The following GRIA4 variants were observed in gnomAD, a reference collection of about 807,000 sequenced individuals.
GRIA4 encodes glutamate ionotropic receptor AMPA type subunit 4, also known as glutamate receptor 4.
A neutral mutation model predicts 104.0 loss-of-function variants in GRIA4; 34 were observed. The ratio of observed to expected loss-of-function variants is 0.33; its 90% confidence interval spans 0.25 to 0.44. GRIA4 has a LOEUF of 0.44. GRIA4 is among the 20% of genes least tolerant of loss of function. GRIA4 has a pLI of 1.00. For missense variants in GRIA4, 750 were observed against 1,096.5 expected (o/e 0.68, Z 4.46); for synonymous variants, 386 against 381.9 (o/e 1.01, Z -0.13).
intron 5 of GRIA4, among the ~76,000 whole-genome samples, chr11:105,866,967 A>G (rs1945442128): frequency 1.3e-5 from 2 of 152,096 alleles, no homozygotes; most frequent in African/African-American, 4.8e-5. Flanking sequence ...ATGGAGAAAA[A>G]TGTCTCTACA....
chr11:105,708,182 A>G (rs11601808), intron 3 of GRIA4, among the ~76,000 whole-genome samples: 72,408 of 151,894 alleles, frequency 0.48, 17,869 homozygotes, highest in Admixed American at 0.58. Context: ...TGCATTTTAG[A>G]AAAAATTTTA....
At chr11:105,842,711 A>G (rs1944437923) in intron 4 of GRIA4, 1 of 152,190 alleles carries the variant, frequency 6.6e-6, no homozygotes, top group African/African-American at 2.4e-5. Flanking sequence ...GCCGCCATTG[A>G]TTTTAAAGGA....
chr11:105,839,097 C>T (rs1182370984), intron 4 of GRIA4, among the ~76,000 whole-genome samples: 1 of 152,126 alleles, frequency 6.6e-6, no homozygotes, highest in African/African-American at 2.4e-5. Flanking sequence ...TTTCCCTCTA[C>T]TGCCAAGGCT....
chr11:105,905,953 C>T (rs549551838), intron 9 of GRIA4, among the ~76,000 whole-genome samples: 139 of 152,150 alleles, frequency 9.1e-4, no homozygotes, highest in African/African-American at 3.3e-3. Context: ...TACAGCCCCA[C>T]CACAGTAATT....
At chr11:105,657,595 G>T (rs1951881230) in intron 3 of GRIA4, among the ~76,000 whole-genome samples, 1 of 151,842 alleles carries the variant, frequency 6.6e-6, no homozygotes, top group Non-Finnish European at 1.5e-5. Flanking sequence ...TGCAGGGGCT[G>T]GCTTATAATA....
intron 4 of GRIA4, among the ~76,000 whole-genome samples, chr11:105,787,970 T>C (rs1031036831): frequency 6.6e-6 from 1 of 152,122 alleles, no homozygotes; most frequent in African/African-American, 2.4e-5. Context: ...GACTGCCCAT[T>C]ACAAAGAAGA....
intron 3 of GRIA4, among the ~76,000 whole-genome samples, chr11:105,698,987 C>T (rs1168593570): frequency 6.6e-6 from 1 of 152,194 alleles, no homozygotes; most frequent in East Asian, 1.9e-4. Context: ...CCATGTCAGT[C>T]TGGTCTGTGC....
chr11:105,971,492 AATGC>A (rs1858689381), intron 14 of GRIA4, among the ~76,000 whole-genome samples: 1 of 152,168 alleles, frequency 6.6e-6, no homozygotes, highest in Admixed American at 6.6e-5. Context: ...GCTGAATCAT[AATGC>A]ATGCAAGCAA....
At chr11:105,848,546 G>A (rs760980259) in intron 4 of GRIA4, among the ~76,000 whole-genome samples, 4 of 152,066 alleles carry the variant, frequency 2.6e-5, no homozygotes, top group Admixed American at 6.6e-5. Flanking sequence ...GAAAATAACC[G>A]GATGGGTAGA....
Position 105,862,029 on chromosome 11 carries a change from T to A in GRIA4, c.493T>A (p.Ser165Thr). ...VFLYDTDRGY[S>T]ILQAIMEKAG... The stretch of plus-strand genomic sequence containing the variant: ...ACTTTTTTTTTCCCCAATAGGATAC[T>A]CGATACTCCAAGCTATTATGGAAAA... Residue 165 changes from serine to threonine, a missense_variant, in exon 5 of 17, where the codon TCG (serine) becomes ACG (threonine). By Grantham distance (58) the Ser-to-Thr change is moderately conservative. Around this residue, in one of 3 missense-constraint regions of GRIA4, gnomAD observed 410 missense variants for 502.7 expected, o/e 0.82. Coordinates refer to ENST00000282499, the MANE Select transcript of GRIA4 (RefSeq NM_000829.4). 1 of 1,604,866 alleles carries A rather than the reference T, an allele frequency of 6.2e-7. No homozygotes were observed. Among genetic ancestry groups the A allele is most frequent in the South Asian group, 1.1e-5 (1 of 90,632 alleles).
intron 14 of GRIA4, among the ~76,000 whole-genome samples, chr11:105,970,865 A>C (rs1157845834): frequency 2.0e-5 from 3 of 152,212 alleles, no homozygotes; most frequent in Non-Finnish European, 4.4e-5. Flanking sequence ...CTTAGCCTTC[A>C]TATTGTAATA....
At chr11:105,794,580 A>C (rs1942402185) in intron 4 of GRIA4, among the ~76,000 whole-genome samples, 1 of 143,140 alleles carries the variant, frequency 7.0e-6, no homozygotes, top group South Asian at 2.2e-4. Flanking sequence ...CTATCTATAT[A>C]TATCTCTCTC....
In GRIA4 at chr11:105,688,158, C is replaced by CTA. The variant is rs1565464961; in HGVS notation, c.248-64821_248-64820dup. ...TATATCTATATCTATATCTATATCT[C>CTA]TATCTATCTATCTATCTATCTATCT... On this transcript the variant is annotated intron_variant, in intron 3 of 16. Transcript: ENST00000282499. Among the ~76,000 whole-genome samples the CTA allele has an allele frequency of 7.5e-4, 62 of 82,722 alleles. 1 individual carries two copies. Among genetic ancestry groups the CTA allele is most frequent in the African/African-American group, 2.5e-3 (53 of 21,204 alleles). The allele number at this position is 82,722 out of a possible 152,430, so 54.3% of individuals were successfully genotyped here.
intron 3 of GRIA4, among the ~76,000 whole-genome samples, chr11:105,664,537 C>T (rs1178994639): frequency 1.3e-5 from 2 of 151,826 alleles, no homozygotes; most frequent in South Asian, 2.1e-4. Flanking sequence ...ATTAATGGTA[C>T]TTTGTAGCTT....
intron 3 of GRIA4, among the ~76,000 whole-genome samples, chr11:105,711,243 G>A (rs1157871449): frequency 6.6e-6 from 1 of 151,746 alleles, no homozygotes; most frequent in East Asian, 1.9e-4. Flanking sequence ...CCCTTCCTGT[G>A]TCCATGTGTT....
intron 3 of GRIA4, among the ~76,000 whole-genome samples, chr11:105,632,948 G>A (rs1951074897): frequency 6.6e-6 from 1 of 152,264 alleles, no homozygotes; most frequent in African/African-American, 2.4e-5. Context: ...GGCTGATGGA[G>A]GTGAGAGAAA....
At chr11:105,916,772 G>A (rs1311321118) in intron 10 of GRIA4, among the ~76,000 whole-genome samples, 1 of 152,122 alleles carries the variant, frequency 6.6e-6, no homozygotes, top group African/African-American at 2.4e-5. Flanking sequence ...GCAGACACTT[G>A]TGAATTGACC....
At chr11:105,912,702 A>G in intron 10 of GRIA4, 1 of 944,552 alleles carries the variant, frequency 1.1e-6, no homozygotes, top group African/African-American at 1.8e-5. Flanking sequence ...CAACTGCATA[A>G]TCGTTCAGTA....
chr11:105,968,610 AT>A (rs1221873869), intron 14 of GRIA4, among the ~76,000 whole-genome samples: 1 of 152,230 alleles, frequency 6.6e-6, no homozygotes, highest in Non-Finnish European at 1.5e-5. Flanking sequence ...CACGAAATAA[AT>A]TAAAGCAGAA....
Sources: allele counts gnomAD v4.1 joint callset (sites outside exome capture counted in the v4.1 genomes callset), GRCh38; gene constraint gnomAD v4.1.1; regional missense constraint gnomAD v4.1.1; transcripts MANE v1.5; gene names NCBI Gene and HGNC (gene_info 2026-07-23, HGNC 2026-07-21).